TCF7L1: variants seen among roughly 807,000 people sequenced by gnomAD.
The protein encoded by TCF7L1 is transcription factor 7 like 1.
Under a neutral mutation model 63.7 loss-of-function variants are expected in TCF7L1, and 18 were observed. The ratio of observed to expected loss-of-function variants is 0.28; its 90% CI spans 0.20 to 0.42. The LOEUF is 0.42. Among genes scored for constraint, TCF7L1 ranks in the 10% least tolerant of loss-of-function variants. The probability of loss-of-function intolerance (pLI) is 1.00; values close to 1 mark genes in which losing one functional copy is unlikely to be tolerated. For missense variants in TCF7L1, 654 were observed against 779.3 expected (o/e 0.84, Z 1.91); for synonymous variants, 355 against 340.9 (o/e 1.04, Z -0.46).
chr2:85,216,704 T>A (rs1679720663), intron 3 of TCF7L1, among the ~76,000 whole-genome samples: 1 of 152,092 alleles, frequency 6.6e-6, no homozygotes, highest in Non-Finnish European at 1.5e-5. Flanking sequence ...ACCGAACAAC[T>A]TCTGTGGCTA....
chr2:85,284,183 G>A (rs922665200), intron 4 of TCF7L1, among the ~76,000 whole-genome samples: 1 of 151,776 alleles, frequency 6.6e-6, no homozygotes, highest in Non-Finnish European at 1.5e-5. Flanking sequence ...GCTAATTTTT[G>A]GTATTTTTAG....
chr2:85,306,176 A>G lies in TCF7L1; in HGVS notation c.990-30A>G, dbSNP rs543206408. 6.2e-7 allele frequency: 1 copy of G among 1,613,538 alleles called. No individual in the cohort carries two copies. The highest frequency in any genetic ancestry group is 8.5e-7 in the Non-Finnish European group (1 of 1,179,606). On this transcript the variant is annotated intron_variant, in intron 8 of 11. Transcript: ENST00000282111. This position sits in a 1 kb window ranked among gnomAD's most constrained non-coding sequence, Gnocchi z 4.3. ...ATTGATGAGTTGTGTGACACCTGAC[A>G]TGCTAACCTACAACCACGTGCCTTC...
At chr2:85,174,565 T>C (rs1005507206) in intron 3 of TCF7L1, among the ~76,000 whole-genome samples, 1 of 152,132 alleles carries the variant, frequency 6.6e-6, no homozygotes, top group South Asian at 2.1e-4. Context: ...ACTCCAAAAA[T>C]GGGCCTTCCC....
chr2:85,188,202 A>G (rs934159776), intron 3 of TCF7L1, among the ~76,000 whole-genome samples: 4 of 152,182 alleles, frequency 2.6e-5, no homozygotes, highest in African/African-American at 9.7e-5. Flanking sequence ...ACAGTTTAGT[A>G]TTTTGATTGT....
At position 85,134,173 on chromosome 2, in the gene TCF7L1, C is replaced by T; in HGVS notation, c.313+94C>T. 1 of 1,538,312 alleles carries T rather than the reference C, an allele frequency of 6.5e-7. No individual in the cohort carries two copies. Among genetic ancestry groups the T allele is most frequent in the South Asian group, 1.2e-5 (1 of 82,502 alleles). On this transcript the variant is annotated intron_variant, in intron 2 of 11. Transcript: ENST00000282111. This position sits in a 1 kb window ranked among gnomAD's most constrained non-coding sequence, Gnocchi z 5.0. ...CCACCGTCCCCCTTGCTTGGGTGGA[C>T]GCACCCTTGCCCTCCGCCTTTATTG...
At chr2:85,268,470 C>CTTT (rs1681062877) in intron 3 of TCF7L1, among the ~76,000 whole-genome samples, 1 of 129,486 alleles carries the variant, frequency 7.7e-6, no homozygotes, top group Non-Finnish European at 1.8e-5. Context: ...AGATTGGATG[C>CTTT]CTTTTTTTTT....
At chr2:85,160,645 A>G (rs1678263225) in intron 3 of TCF7L1, among the ~76,000 whole-genome samples, 2 of 152,210 alleles carry the variant, frequency 1.3e-5, no homozygotes, top group South Asian at 2.1e-4. Flanking sequence ...GCTTGAGCCC[A>G]GGAGTTCCAG....
At chr2:85,161,105 C>T (rs538779254) in intron 3 of TCF7L1, among the ~76,000 whole-genome samples, 10 of 152,122 alleles carry the variant, frequency 6.6e-5, no homozygotes, top group Non-Finnish European at 1.0e-4. Context: ...TCAGAAAAAT[C>T]GCTTCCCCTG....
chr2:85,294,919 A>G (rs1440743775), intron 4 of TCF7L1, among the ~76,000 whole-genome samples: 1 of 152,022 alleles, frequency 6.6e-6, no homozygotes, highest in Non-Finnish European at 1.5e-5. Flanking sequence ...CTGCAGTCCC[A>G]GCTACTCGGG....
chr2:85,236,232 TATTCACTCAAG>T (rs1004276104), intron 3 of TCF7L1, among the ~76,000 whole-genome samples: 3 of 152,218 alleles, frequency 2.0e-5, no homozygotes, highest in Non-Finnish European at 4.4e-5. Context: ...TGAAGTGAGT[TATTCACTCAAG>T]CCCGGTCTGT....
intron 3 of TCF7L1, among the ~76,000 whole-genome samples, chr2:85,280,973 G>T (rs1363716778): frequency 6.6e-6 from 1 of 150,998 alleles, no homozygotes; most frequent in Admixed American, 6.6e-5. Flanking sequence ...CAGCTGTCTT[G>T]TATGAAGTTG....
intron 3 of TCF7L1, among the ~76,000 whole-genome samples, chr2:85,233,316 AT>A (rs11345481): frequency 0.62 from 83,168 of 134,240 alleles, 26,206 homozygotes; most frequent in East Asian, 0.86. Context: ...AAATTCAGAG[AT>A]TTTTTTTTTT....
chr2:85,134,611 G>A lies in TCF7L1; in HGVS notation c.441+161G>A, dbSNP rs1050953877. ...CTCTCTGGCGGCCGAGCGCGAGGCT[G>A]CGCTGGCCAGTGCCTGGATGAAAGT... On this transcript the variant is annotated intron_variant, in intron 3 of 11. Transcript: ENST00000282111. The surrounding 1 kb of genome is among the most constrained non-coding windows in gnomAD (Gnocchi z 5.0). Among the ~76,000 whole-genome samples, 1 of 152,244 alleles carries A rather than the reference G, an allele frequency of 6.6e-6. No individual in the cohort carries two copies. The highest frequency in any genetic ancestry group is 2.4e-5 in the African/African-American group (1 of 41,466).
chr2:85,224,918 A>C (rs1007617317), intron 3 of TCF7L1, among the ~76,000 whole-genome samples: 2 of 152,318 alleles, frequency 1.3e-5, no homozygotes, highest in Admixed American at 6.5e-5. Flanking sequence ...TTTAGGGCTT[A>C]CATTTAAGTC....
chr2:85,274,922 C>T, intron 3 of TCF7L1, among the ~76,000 whole-genome samples: 1 of 152,168 alleles, frequency 6.6e-6, no homozygotes, highest in Non-Finnish European at 1.5e-5. Flanking sequence ...AGAGGACACT[C>T]ACACTTGAGT....
At chr2:85,178,238 A>T (rs1269377826) in intron 3 of TCF7L1, among the ~76,000 whole-genome samples, 1 of 152,174 alleles carries the variant, frequency 6.6e-6, no homozygotes, top group Non-Finnish European at 1.5e-5. Context: ...TTTCTTACAC[A>T]CTTTTCAGAA....
Position 85,306,371 on chromosome 2 carries a change from AC to A in TCF7L1, c.1149+8del. On this transcript the variant is annotated splice_region_variant and intron_variant, in intron 9 of 11. Transcript: ENST00000282111. This position sits in a 1 kb window ranked among gnomAD's most constrained non-coding sequence, Gnocchi z 4.3. ...ACCAGATCCTTGGAAGAAAGGTAAG[AC>A]CTGCCCTCTCCCTCCAGGCCAGGGA... is the stretch of plus-strand genomic sequence containing the variant. The A allele has an allele frequency of 6.2e-7, 1 of 1,614,020 alleles. No individual in the cohort carries two copies. Among genetic ancestry groups the A allele is most frequent in the Non-Finnish European group, 8.5e-7 (1 of 1,179,898 alleles).
At chr2:85,152,885 C>CAT (rs1025624482) in intron 3 of TCF7L1, among the ~76,000 whole-genome samples, 3 of 152,112 alleles carry the variant, frequency 2.0e-5, no homozygotes, top group African/African-American at 7.2e-5. Flanking sequence ...AAAAAATAAG[C>CAT]ATATATATAT....
intron 3 of TCF7L1, among the ~76,000 whole-genome samples, chr2:85,177,691 C>T (rs914527588): frequency 6.6e-6 from 1 of 151,966 alleles, no homozygotes; most frequent in Non-Finnish European, 1.5e-5. Context: ...GGCAACAGAG[C>T]AAGACCCTGT....
Sources: gnomAD v4.1 joint callset for allele counts (sites outside exome capture counted in the v4.1 genomes callset) on GRCh38, gnomAD v4.1.1 for gene constraint, Gnocchi (gnomAD v3.1) non-coding constraint, MANE v1.5 for transcripts, NCBI Gene and HGNC (gene_info 2026-07-23, HGNC 2026-07-21) for gene names.